The following LRRC37A2 variants were observed in gnomAD, a reference collection of about 807,000 sequenced individuals.
The protein encoded by LRRC37A2 is leucine rich repeat containing 37 member A2.
In LRRC37A2, 9 loss-of-function variants were observed where a neutral mutation model predicts 68.8. The observed-to-expected ratio is 0.13, with a 90% CI of 0.08 to 0.23. The LOEUF (loss-of-function observed/expected upper bound fraction) is 0.23. LRRC37A2 is among the 10% of genes least tolerant of loss of function. LRRC37A2 has a pLI of 1.00. For missense variants in LRRC37A2, 168 were observed against 950.4 expected (o/e 0.18, Z 10.82); for synonymous variants, 63 against 367.6 (o/e 0.17, Z 9.48).
At chr17:47,013,444 A>T in the LRRC37A2 span, among the ~76,000 whole-genome samples, 1 of 152,216 alleles carries the variant, frequency 6.6e-6, no homozygotes, top group Non-Finnish European at 1.5e-5. Flanking sequence ...TCCATTTGAC[A>T]TGCCCCAATC....
the LRRC37A2 span, among the ~76,000 whole-genome samples, chr17:46,921,925 A>C: frequency 6.6e-6 from 1 of 152,222 alleles, no homozygotes; most frequent in Admixed American, 6.5e-5. Flanking sequence ...GACAGTGTGG[A>C]GATTTCTCAG....
chr17:46,940,552 CA>C, the LRRC37A2 span: 6 of 1,614,050 alleles, frequency 3.7e-6, no homozygotes, highest in Admixed American at 1.0e-4. Context: ...TCCTGTCCCC[CA>C]GGCACCCAAG....
chr17:46,846,716 G>A, the LRRC37A2 span, among the ~76,000 whole-genome samples: 1 of 152,216 alleles, frequency 6.6e-6, no homozygotes, highest in Non-Finnish European at 1.5e-5. Flanking sequence ...GCCTTGAATA[G>A]GCAAGGGGCA....
chr17:46,990,951 G>C, the LRRC37A2 span, among the ~76,000 whole-genome samples: 2 of 152,164 alleles, frequency 1.3e-5, no homozygotes, highest in Non-Finnish European at 2.9e-5. Context: ...GATTACAGGT[G>C]TGAGCCACCA....
At chr17:46,870,586 G>A in the LRRC37A2 span, among the ~76,000 whole-genome samples, 1 of 151,970 alleles carries the variant, frequency 6.6e-6, no homozygotes, top group African/African-American at 2.4e-5. Context: ...GCTCCATGAT[G>A]GGTTGACTGC....
At chr17:46,739,733 T>G in the LRRC37A2 span, among the ~76,000 whole-genome samples, 2 of 107,606 alleles carry the variant, frequency 1.9e-5, no homozygotes, top group Admixed American at 2.3e-4. Context: ...TTTTTTCTGA[T>G]TTTTTTTTTT....
At chr17:46,885,296 G>T in the LRRC37A2 span, 1 of 243,040 alleles carries the variant, frequency 4.1e-6, no homozygotes. Flanking sequence ...GTGAGCCACT[G>T]CGCCTGGCCA....
At chr17:46,612,294 G>T in the LRRC37A2 span, among the ~76,000 whole-genome samples, 1 of 60,610 alleles carries the variant, frequency 1.6e-5, no homozygotes, top group Non-Finnish European at 2.9e-5. Flanking sequence ...TGATGGGAAT[G>T]TAAAATGATG....
At chr17:46,839,430 TGG>T in the LRRC37A2 span, among the ~76,000 whole-genome samples, 11 of 152,332 alleles carry the variant, frequency 7.2e-5, no homozygotes, top group Non-Finnish European at 1.3e-4. Flanking sequence ...TCAGGTTGTA[TGG>T]TAGCTGCCAC....
chr17:46,953,143 C>T, the LRRC37A2 span, among the ~76,000 whole-genome samples: 21 of 151,940 alleles, frequency 1.4e-4, no homozygotes, highest in East Asian at 3.7e-3. Flanking sequence ...GTGTGCTGCA[C>T]CCATTAACTC....
At chr17:46,900,202 T>TATATATAC in the LRRC37A2 span, among the ~76,000 whole-genome samples, 89 of 101,142 alleles carry the variant, frequency 8.8e-4, 1 homozygote, top group East Asian at 0.013. Flanking sequence ...TATATATATA[T>TATATATAC]ACACACACAC....
the LRRC37A2 span, among the ~76,000 whole-genome samples, chr17:46,776,680 T>G: frequency 6.6e-6 from 1 of 151,940 alleles, no homozygotes; most frequent in Non-Finnish European, 1.5e-5. Flanking sequence ...GAGGGGAAAC[T>G]GAGGGAGAGT....
the LRRC37A2 span, among the ~76,000 whole-genome samples, chr17:46,962,789 A>G: frequency 6.6e-6 from 1 of 152,260 alleles, no homozygotes; most frequent in Non-Finnish European, 1.5e-5. Context: ...GTTAACCTGC[A>G]GGATCATGAA....
chr17:46,635,855 ACT>A, the LRRC37A2 span, among the ~76,000 whole-genome samples: 13 of 129,688 alleles, frequency 1.0e-4, no homozygotes, highest in East Asian at 1.2e-3. Context: ...GTAGCAATAG[ACT>A]CTTTCTTACT....
At chr17:46,868,232 A>G in the LRRC37A2 span, among the ~76,000 whole-genome samples, 1 of 152,136 alleles carries the variant, frequency 6.6e-6, no homozygotes, top group African/African-American at 2.4e-5. Flanking sequence ...TTAGTTCAGA[A>G]CCCTGGTTAC....
the LRRC37A2 span, among the ~76,000 whole-genome samples, chr17:46,785,286 C>T: frequency 1.3e-5 from 2 of 152,188 alleles, no homozygotes; most frequent in African/African-American, 4.8e-5. Context: ...AGCCTTTGGG[C>T]TTTGGCCAGC....
At chr17:47,043,429 G>T in the LRRC37A2 span, among the ~76,000 whole-genome samples, 3 of 150,360 alleles carry the variant, frequency 2.0e-5, no homozygotes, top group Admixed American at 2.0e-4. Context: ...AACCCGGGAG[G>T]CGGAGATTGC....
At chr17:46,721,028 G>T in the LRRC37A2 span, among the ~76,000 whole-genome samples, 4 of 152,184 alleles carry the variant, frequency 2.6e-5, no homozygotes, top group African/African-American at 9.7e-5. Flanking sequence ...GATCCCAGGA[G>T]TGGGCTCTGG....
chr17:47,008,321 C>T, the LRRC37A2 span, among the ~76,000 whole-genome samples: 1 of 151,848 alleles, frequency 6.6e-6, no homozygotes, highest in Non-Finnish European at 1.5e-5. Flanking sequence ...CCGTGTTAGC[C>T]AGGATGGTCT....
Sources: allele counts gnomAD v4.1 joint callset (sites outside exome capture counted in the v4.1 genomes callset), GRCh38; gene constraint gnomAD v4.1.1; transcripts MANE v1.5; gene names NCBI Gene and HGNC (gene_info 2026-07-23, HGNC 2026-07-21).